Variants in CATSPERT observed in about 807,000 individuals in gnomAD.
The protein encoded by CATSPERT is catsper channel auxiliary subunit tau, also known as cation channel sperm-associated targeting subunit tau.
the CATSPERT span, among the ~76,000 whole-genome samples, chr2:201,538,358 C>T: frequency 6.6e-6 from 1 of 151,998 alleles, no homozygotes; most frequent in African/African-American, 2.4e-5. Flanking sequence ...TTTTTAAATG[C>T]TGAATGATAT....
chr2:201,582,108 T>G, the CATSPERT span: 1 of 1,603,598 alleles, frequency 6.2e-7, no homozygotes, highest in South Asian at 1.1e-5. Context: ...AATTACCTCA[T>G]AAAGATGTAT....
chr2:201,494,444 T>G, the CATSPERT span: 6 of 1,537,586 alleles, frequency 3.9e-6, no homozygotes, highest in African/African-American at 8.2e-5. Flanking sequence ...AAAGATACAT[T>G]TGGTAGATTT....
At chr2:201,494,738 C>T in the CATSPERT span, 13 of 1,503,908 alleles carry the variant, frequency 8.6e-6, no homozygotes, top group African/African-American at 2.8e-5. Flanking sequence ...GGATCAAAAC[C>T]GTTCTTGTTG....
chr2:201,598,299 C>T, the CATSPERT span, among the ~76,000 whole-genome samples: 1 of 152,116 alleles, frequency 6.6e-6, no homozygotes, highest in East Asian at 1.9e-4. Context: ...GAGATGGGGC[C>T]TCACTATGTT....
the CATSPERT span, chr2:201,493,174 A>C: frequency 6.5e-7 from 1 of 1,529,568 alleles, no homozygotes; most frequent in African/African-American, 1.4e-5. Flanking sequence ...TTTATCCATT[A>C]ATGAGTTAGT....
the CATSPERT span, among the ~76,000 whole-genome samples, chr2:201,593,010 T>C: frequency 6.6e-6 from 1 of 152,148 alleles, no homozygotes; most frequent in Non-Finnish European, 1.5e-5. Flanking sequence ...TAGTTATTTC[T>C]TGCCTTCTGC....
chr2:201,568,752 A>G, the CATSPERT span, among the ~76,000 whole-genome samples: 1 of 152,204 alleles, frequency 6.6e-6, no homozygotes, highest in African/African-American at 2.4e-5. Context: ...TCAGTTTACT[A>G]CTTTCATAGA....
the CATSPERT span, chr2:201,493,567 G>A: frequency 2.6e-6 from 4 of 1,536,806 alleles, no homozygotes; most frequent in African/African-American, 5.5e-5. Context: ...CTGGCTTGTA[G>A]CAGATCTGGG....
At chr2:201,601,687 A>G in the CATSPERT span, 1 of 1,505,938 alleles carries the variant, frequency 6.6e-7, no homozygotes, top group Non-Finnish European at 9.0e-7. Flanking sequence ...AGGGTAGAAT[A>G]TTTGGAACTA....
At chr2:201,587,260 A>G in the CATSPERT span, among the ~76,000 whole-genome samples, 2 of 152,012 alleles carry the variant, frequency 1.3e-5, no homozygotes, top group Non-Finnish European at 2.9e-5. Context: ...TTTTTTTAAT[A>G]GTCTTGTATT....
the CATSPERT span, chr2:201,491,494 T>G: frequency 6.5e-7 from 1 of 1,535,890 alleles, no homozygotes; most frequent in Non-Finnish European, 8.7e-7. Flanking sequence ...TTTTTTGTAT[T>G]GTGCAAATGT....
chr2:201,518,245 A>G, the CATSPERT span, among the ~76,000 whole-genome samples: 1 of 152,160 alleles, frequency 6.6e-6, no homozygotes, highest in Non-Finnish European at 1.5e-5. Flanking sequence ...AAAAGGCAAT[A>G]GTTTTTCTTT....
At chr2:201,587,739 G>A in the CATSPERT span, among the ~76,000 whole-genome samples, 1 of 151,778 alleles carries the variant, frequency 6.6e-6, no homozygotes, top group Non-Finnish European at 1.5e-5. Flanking sequence ...ATTTGGGGAA[G>A]ACTTAGGTCA....
chr2:201,495,198 A>G, the CATSPERT span, among the ~76,000 whole-genome samples: 1 of 152,106 alleles, frequency 6.6e-6, no homozygotes, highest in South Asian at 2.1e-4. Context: ...AAGTACTGAA[A>G]TGAAACTCAT....
At chr2:201,596,456 A>C in the CATSPERT span, among the ~76,000 whole-genome samples, 1 of 152,220 alleles carries the variant, frequency 6.6e-6, no homozygotes, top group Admixed American at 6.5e-5. Flanking sequence ...GCAGAGGATC[A>C]GAAAAATAAC....
the CATSPERT span, among the ~76,000 whole-genome samples, chr2:201,612,746 G>T: frequency 6.6e-6 from 1 of 152,122 alleles, no homozygotes; most frequent in African/African-American, 2.4e-5. Context: ...ACGGAGCAGG[G>T]TGGGGCATCG....
chr2:201,491,520 A>G, the CATSPERT span: 2 of 1,535,850 alleles, frequency 1.3e-6, no homozygotes, highest in East Asian at 2.4e-5. Flanking sequence ...AATGCTTTTT[A>G]TTATTGTTAT....
the CATSPERT span, among the ~76,000 whole-genome samples, chr2:201,490,792 C>T: frequency 8.5e-5 from 13 of 152,256 alleles, 1 homozygote; most frequent in South Asian, 2.5e-3. Flanking sequence ...GGCGCGATCT[C>T]GGCTCACTGC....
At chr2:201,611,434 A>G in the CATSPERT span, among the ~76,000 whole-genome samples, 3 of 152,224 alleles carry the variant, frequency 2.0e-5, no homozygotes. Flanking sequence ...TGGAAACACA[A>G]TATACTCAAA....
Sources: allele counts gnomAD v4.1 joint callset (sites outside exome capture counted in the v4.1 genomes callset), GRCh38; gene constraint gnomAD v4.1.1; transcripts MANE v1.5; gene names NCBI Gene and HGNC (gene_info 2026-07-23, HGNC 2026-07-21).